SORCS2: variants seen among roughly 807,000 people sequenced by gnomAD.
SORCS2 encodes the protein VPS10 domain-containing receptor SorCS2.
Under a neutral mutation model 141.6 loss-of-function variants are expected in SORCS2, and 100 were observed. The observed-to-expected ratio is 0.71, with a 90% CI of 0.60 to 0.83. The LOEUF is 0.83. Ranked by LOEUF, SORCS2 falls within the 40% of genes least tolerant of loss-of-function variation. The pLI is 0.00. For synonymous variants in SORCS2, 789 were observed against 676.9 expected, an observed-to-expected ratio of 1.17 and a Z score of -2.57; for missense variants, 1,646 against 1,560.2, an observed-to-expected ratio of 1.05 and a Z score of -0.93.
At chr4:7,516,427 AGGTTGT>A (rs1732984362) in intron 2 of SORCS2, among the ~76,000 whole-genome samples, 1 of 152,098 alleles carries the variant, frequency 6.6e-6, no homozygotes, top group African/African-American at 2.4e-5. Context: ...GGGACCCTGC[AGGTTGT>A]TCAGAGGCTG....
At chr4:7,544,002 A>G (rs111203699) in intron 3 of SORCS2, among the ~76,000 whole-genome samples, 10,864 of 124,056 alleles carry the variant, frequency 0.088, 724 homozygotes, top group African/African-American at 0.11. Flanking sequence ...CCACTCATCC[A>G]TCCATCCATC....
At chr4:7,686,139 G>A (rs995460905) in intron 10 of SORCS2, among the ~76,000 whole-genome samples, 4 of 152,228 alleles carry the variant, frequency 2.6e-5, no homozygotes, top group African/African-American at 9.6e-5. Context: ...CTTCCCGTCT[G>A]GGGATACCTC....
chr4:7,368,202 A>G (rs529200094), intron 1 of SORCS2, among the ~76,000 whole-genome samples: 42 of 152,278 alleles, frequency 2.8e-4, no homozygotes, highest in Non-Finnish European at 5.4e-4. Flanking sequence ...ATGAAGGGGA[A>G]CCGCCCTGGT....
intron 2 of SORCS2, among the ~76,000 whole-genome samples, chr4:7,448,624 TCC>T (rs1174624242): frequency 4.5e-5 from 6 of 134,420 alleles, no homozygotes; most frequent in Admixed American, 4.4e-4. Flanking sequence ...CTTCCTTCCT[TCC>T]TTCCTTATTT....
chr4:7,241,004 G>A (rs371583320), intron 1 of SORCS2, among the ~76,000 whole-genome samples: 51 of 152,180 alleles, frequency 3.4e-4, no homozygotes, highest in East Asian at 1.7e-3. Context: ...GCACGATCTC[G>A]GCTCACTGCA....
intron 1 of SORCS2, among the ~76,000 whole-genome samples, chr4:7,198,813 G>A (rs75062053): frequency 0.031 from 4,752 of 152,228 alleles, 142 homozygotes; most frequent in East Asian, 0.15. Context: ...GGAGAGAGGC[G>A]GCAGCACATG....
intron 1 of SORCS2, among the ~76,000 whole-genome samples, chr4:7,276,918 A>G (rs1715538271): frequency 6.6e-6 from 1 of 152,200 alleles, no homozygotes; most frequent in African/African-American, 2.4e-5. Flanking sequence ...TGGTAGGGCC[A>G]GGATTGGAAG....
At chr4:7,389,239 A>G (rs1723702764) in intron 1 of SORCS2, among the ~76,000 whole-genome samples, 1 of 152,298 alleles carries the variant, frequency 6.6e-6, no homozygotes, top group African/African-American at 2.4e-5. Flanking sequence ...TCTCCAGACC[A>G]GTGTAACTCT....
At chr4:7,626,719 G>A (rs925821810) in intron 3 of SORCS2, among the ~76,000 whole-genome samples, 5 of 152,114 alleles carry the variant, frequency 3.3e-5, no homozygotes, top group Admixed American at 6.6e-5. Flanking sequence ...TGAAATGATC[G>A]TGTTCCTGCG....
At chr4:7,725,685 C>G (rs1727169827) in intron 20 of SORCS2, among the ~76,000 whole-genome samples, 1 of 152,188 alleles carries the variant, frequency 6.6e-6, no homozygotes, top group Non-Finnish European at 1.5e-5. Flanking sequence ...CAGAAGCCTC[C>G]CTCAGAGGCC....
At chr4:7,601,675 G>T (rs1225382543) in intron 3 of SORCS2, among the ~76,000 whole-genome samples, 7 of 145,696 alleles carry the variant, frequency 4.8e-5, no homozygotes, top group South Asian at 2.2e-4. Context: ...TTGTTTGTTT[G>T]TTTTTTTAGT....
chr4:7,736,724 C>T (rs1257709157), intron 25 of SORCS2, among the ~76,000 whole-genome samples: 1 of 152,174 alleles, frequency 6.6e-6, no homozygotes, highest in East Asian at 1.9e-4. Context: ...GCAGGGTGGC[C>T]AGGCATGGGG....
rs950532092 is a variant in SORCS2, at chr4:7,193,197, C to A, written c.480+71C>A. ...GCGGGACACCCGGGCGGGACCGCCA[C>A]GGCCCCCACCCCAGATCCCCACTAT... On this transcript the variant is annotated intron_variant, in intron 1 of 26. Coordinates refer to ENST00000507866, the MANE Select transcript of SORCS2 (RefSeq NM_020777.3). This position sits in a 1 kb window ranked among gnomAD's most constrained non-coding sequence, Gnocchi z 4.8. 5.8e-6 allele frequency: 8 copies of A among 1,380,924 alleles called. No individual in the cohort carries two copies. Among genetic ancestry groups the A allele is most frequent in the African/African-American group, 1.5e-5 (1 of 66,404 alleles). The allele number at this position is 1,380,924 out of a possible 1,614,324, so 85.5% of individuals were successfully genotyped here.
intron 3 of SORCS2, among the ~76,000 whole-genome samples, chr4:7,586,447 A>G (rs1041923781): frequency 2.0e-5 from 3 of 152,162 alleles, no homozygotes; most frequent in African/African-American, 7.2e-5. Context: ...TAAGCCCAGC[A>G]TCCATAAGCT....
chr4:7,696,713 A>G (rs747523242), intron 11 of SORCS2, among the ~76,000 whole-genome samples: 2 of 152,282 alleles, frequency 1.3e-5, no homozygotes, highest in African/African-American at 2.4e-5. Flanking sequence ...CACCCAGCAG[A>G]TAGTGAGACC....
At chr4:7,207,156 G>A (rs1297479825) in intron 1 of SORCS2, among the ~76,000 whole-genome samples, 2 of 152,182 alleles carry the variant, frequency 1.3e-5, no homozygotes, top group African/African-American at 4.8e-5. Context: ...GTTCTCAGGG[G>A]GCCTTCTAAT....
chr4:7,650,972 C>T (rs1037054045), intron 4 of SORCS2, among the ~76,000 whole-genome samples: 4 of 152,104 alleles, frequency 2.6e-5, no homozygotes, highest in South Asian at 2.1e-4. Context: ...CAGTGCGGAC[C>T]GTATTGCACC....
chr4:7,554,050 T>C (rs1343569217), intron 3 of SORCS2, among the ~76,000 whole-genome samples: 1 of 152,048 alleles, frequency 6.6e-6, no homozygotes, highest in African/African-American at 2.4e-5. Flanking sequence ...AACCAGGAAG[T>C]GTCACAAATC....
At chr4:7,436,819 A>C (rs1013091595) in intron 2 of SORCS2, among the ~76,000 whole-genome samples, 8 of 151,994 alleles carry the variant, frequency 5.3e-5, no homozygotes, top group Non-Finnish European at 1.2e-4. Flanking sequence ...TGCCCCGAAC[A>C]CTTCTGTGTA....
Sources: gnomAD v4.1 joint callset for allele counts (sites outside exome capture counted in the v4.1 genomes callset) on GRCh38, gnomAD v4.1.1 for gene constraint, Gnocchi (gnomAD v3.1) non-coding constraint, MANE v1.5 for transcripts, NCBI Gene and HGNC (gene_info 2026-07-23, HGNC 2026-07-21) for gene names.